EVA1A: variants seen among roughly 807,000 people sequenced by gnomAD.
EVA1A encodes the protein eva-1 homolog A, regulator of programmed cell death.
A neutral mutation model predicts 9.8 loss-of-function variants in EVA1A; 7 were observed. The observed-to-expected ratio is 0.71, with a 90% CI of 0.41 to 1.34. The LOEUF is 1.34. Ranked by LOEUF, EVA1A falls within the 40% of genes most tolerant of loss-of-function variation. EVA1A has a pLI of 0.01. For synonymous variants in EVA1A, 90 were observed against 85.6 expected (o/e 1.05, Z -0.28); for missense variants, 206 against 205.9 (o/e 1.00, Z 0.00).
intron 1 of EVA1A, among the ~76,000 whole-genome samples, chr2:75,530,083 T>C (rs1165654652): frequency 6.6e-6 from 1 of 151,760 alleles, no homozygotes; most frequent in East Asian, 1.9e-4. Flanking sequence ...ACCGATACAA[T>C]AGAAATACAA....
chr2:75,511,613 G>T (rs1475989658), intron 3 of EVA1A, among the ~76,000 whole-genome samples: 1 of 152,186 alleles, frequency 6.6e-6, no homozygotes, highest in Non-Finnish European at 1.5e-5. Flanking sequence ...TCTGCATAAA[G>T]AACTCTGGAA....
In EVA1A at chr2:75,493,394, G is replaced by A. The variant is rs1331426993; in HGVS notation, c.301C>T (p.Arg101Cys). The A allele has an allele frequency of 6.2e-7, 1 of 1,614,246 alleles. No homozygotes were observed. Among genetic ancestry groups the A allele is most frequent in the Non-Finnish European group, 8.5e-7 (1 of 1,180,050 alleles). ...TVSDLSVRRH[R>C]RFERTLNKNV... Reference sequence around the variant, plus strand: ...TTGTTCAAAGTCCTCTCGAAGCGGCGGTGTCTCCGCACGGAGAGATCGGAC... The same window carrying A: ...TTGTTCAAAGTCCTCTCGAAGCGGCAGTGTCTCCGCACGGAGAGATCGGAC... The change falls in exon 4 of 4, where the codon CGC (arginine) becomes TGC (cysteine). Residue 101 changes from arginine to cysteine, a missense_variant. Arg to Cys is a radical substitution (Grantham distance 180, BLOSUM62 -3). Transcript: ENST00000393913.
intron 3 of EVA1A, among the ~76,000 whole-genome samples, chr2:75,501,605 C>A (rs1674420453): frequency 6.6e-6 from 1 of 152,100 alleles, no homozygotes; most frequent in African/African-American, 2.4e-5. Context: ...CTTAATCAAG[C>A]AAAAGAAATT....
chr2:75,497,611 A>G (rs1443925258), intron 3 of EVA1A, among the ~76,000 whole-genome samples: 3 of 152,072 alleles, frequency 2.0e-5, no homozygotes, highest in Admixed American at 2.0e-4. Flanking sequence ...ACACTTTGGG[A>G]GGCTGAGGCA....
chr2:75,517,572 C>T (rs75486797), intron 3 of EVA1A, among the ~76,000 whole-genome samples: 1,720 of 152,256 alleles, frequency 0.011, 22 homozygotes, highest in African/African-American at 0.032. Flanking sequence ...TTCCATACTC[C>T]GCATGCCTTC....
At chr2:75,501,285 T>C (rs535570081) in intron 3 of EVA1A, among the ~76,000 whole-genome samples, 1 of 152,318 alleles carries the variant, frequency 6.6e-6, no homozygotes, top group South Asian at 2.1e-4. Context: ...TTTCTTACAT[T>C]GATGTAGTGC....
chr2:75,513,124 G>A (rs1674875734), intron 3 of EVA1A, among the ~76,000 whole-genome samples: 1 of 152,106 alleles, frequency 6.6e-6, no homozygotes, highest in South Asian at 2.1e-4. Flanking sequence ...AAGGCTTTGA[G>A]AATCACAGAG....
upstream of EVA1A, among the ~76,000 whole-genome samples, chr2:75,564,436 A>T (rs1460670704): frequency 6.6e-6 from 1 of 152,196 alleles, no homozygotes; most frequent in Non-Finnish European, 1.5e-5. Flanking sequence ...AGCCTTGCAG[A>T]TGTGGGCAGG....
At chr2:75,510,665 A>G (rs933119632) in intron 3 of EVA1A, among the ~76,000 whole-genome samples, 6 of 152,256 alleles carry the variant, frequency 3.9e-5, no homozygotes, top group Admixed American at 2.6e-4. Context: ...TCCTGCTCTG[A>G]AAAATATTAC....
At chr2:75,530,510 C>T (rs949290657) in intron 1 of EVA1A, among the ~76,000 whole-genome samples, 21 of 152,206 alleles carry the variant, frequency 1.4e-4, no homozygotes, top group African/African-American at 5.1e-4. Flanking sequence ...CAACAAAATA[C>T]TAGCTAACTG....
At chr2:75,493,657 A>G (rs1674107155) in intron 3 of EVA1A, 48 bp from the exon 4 acceptor site, 1 of 1,501,548 alleles carries the variant, frequency 6.7e-7, no homozygotes, top group East Asian at 2.3e-5. Context: ...TGACAACTCC[A>G]TATGCAGAGA....
At chr2:75,497,296 A>C (rs1328357014) in intron 3 of EVA1A, among the ~76,000 whole-genome samples, 3 of 152,246 alleles carry the variant, frequency 2.0e-5, no homozygotes, top group Admixed American at 6.5e-5. Context: ...CATCTGACAA[A>C]GTCCTAATAT....
rs73938936 is a variant in EVA1A, at chr2:75,523,465, T to A, written c.-191-978A>T. Among the ~76,000 whole-genome samples, 1,064 of 152,226 alleles carry A rather than the reference T, an allele frequency of 7.0e-3. 8 individuals are homozygous for A. Among genetic ancestry groups the A allele is most frequent in the African/African-American group, 0.024 (1,015 of 41,528 alleles). ...CTCAAATGGAAAAACAGTCCTTATA[T>A]CACCGGCTGGGGAGAGGATACACAT... On this transcript the variant is annotated intron_variant, in intron 1 of 3. Coordinates refer to ENST00000393913, the MANE Select transcript of EVA1A (RefSeq NM_001135032.2).
rs150040530 is a variant in EVA1A at position 75,554,556 on chromosome 2, G to A, written c.-192+6124C>T. Among the ~76,000 whole-genome samples, 137 of 152,316 alleles carry A rather than the reference G, an allele frequency of 9.0e-4. 1 individual carries two copies. Among genetic ancestry groups the A allele is most frequent in the African/African-American group, 3.1e-3 (129 of 41,578 alleles). ...TCTAAAAGTATCTTTGATGATAACA[G>A]CTCTCTGGAGACTATCTGGAGCGGG... On this transcript the variant is annotated intron_variant, in intron 1 of 3. Coordinates refer to ENST00000393913, the MANE Select transcript of EVA1A (RefSeq NM_001135032.2).
chr2:75,519,935 C>T (rs1294362208), intron 2 of EVA1A, among the ~76,000 whole-genome samples: 2 of 152,096 alleles, frequency 1.3e-5, no homozygotes, highest in African/African-American at 4.8e-5. Flanking sequence ...AATATAGCAC[C>T]CATTCTTATT....
intron 1 of EVA1A, among the ~76,000 whole-genome samples, chr2:75,553,694 T>C (rs921668862): frequency 2.0e-5 from 3 of 152,192 alleles, no homozygotes; most frequent in African/African-American, 7.2e-5. Context: ...AAATGTCCAG[T>C]CATTGTCTTC....
intron 1 of EVA1A, among the ~76,000 whole-genome samples, chr2:75,559,827 C>T (rs1355233396): frequency 5.9e-5 from 9 of 151,838 alleles, no homozygotes; most frequent in Non-Finnish European, 2.9e-5. Context: ...TGGGCCCTTT[C>T]CTAGCTAGCT....
In EVA1A at chr2:75,493,196, T is replaced by G. The variant is rs1345887816; in HGVS notation, c.*40A>C. The G allele has an allele frequency of 1.3e-6, 2 of 1,570,206 alleles. No individual in the cohort carries two copies. Among genetic ancestry groups the G allele is most frequent in the Admixed American group, 3.6e-5 (2 of 56,138 alleles). On this transcript the variant is annotated 3_prime_UTR_variant, in exon 4 of 4. Coordinates refer to ENST00000393913, the MANE Select transcript of EVA1A (RefSeq NM_001135032.2). The stretch of plus-strand genomic sequence containing the variant: ...CACTGTCCCTGCAGACGCTCTCCTT[T>G]CCAGGCGGCCTCCAGTGGTTTCCGG...
At chr2:75,533,423 G>A (rs1675751221) in intron 1 of EVA1A, among the ~76,000 whole-genome samples, 1 of 152,142 alleles carries the variant, frequency 6.6e-6, no homozygotes, top group Admixed American at 6.5e-5. Context: ...ATTCTCCAAT[G>A]AAGGAAAACT....
Sources: gnomAD v4.1 joint callset for allele counts (sites outside exome capture counted in the v4.1 genomes callset) on GRCh38, gnomAD v4.1.1 for gene constraint, MANE v1.5 for transcripts, NCBI Gene and HGNC (gene_info 2026-07-23, HGNC 2026-07-21) for gene names.